The following PLCE1 variants were observed in gnomAD, a reference collection of about 807,000 sequenced individuals.
PLCE1 encodes phospholipase C epsilon 1.
In PLCE1, 119 loss-of-function variants were observed where a neutral mutation model predicts 242.8. That is an observed-to-expected ratio of 0.49 (90% CI 0.42 to 0.57). The LOEUF (loss-of-function observed/expected upper bound fraction) is 0.57, where lower values mean the gene tolerates loss of function less well. Among genes scored for constraint, PLCE1 ranks in the 20% least tolerant of loss-of-function variants. The probability of loss-of-function intolerance (pLI) is 0.00; values close to 1 mark genes in which losing one functional copy is unlikely to be tolerated. For missense variants in PLCE1, 2,441 were observed against 2,788.8 expected, an observed-to-expected ratio of 0.88 and a Z score of 2.81; for synonymous variants, 945 against 1,017.4, an observed-to-expected ratio of 0.93 and a Z score of 1.35.
At chr10:94,019,306 T>A (rs905248520) in intron 1 of PLCE1, among the ~76,000 whole-genome samples, 2 of 152,190 alleles carry the variant, frequency 1.3e-5, no homozygotes, top group Non-Finnish European at 2.9e-5. Context: ...AAGGAGCAAG[T>A]GGGATTGAAA....
intron 18 of PLCE1, among the ~76,000 whole-genome samples, chr10:94,273,013 C>A (rs975257565): frequency 1.4e-4 from 21 of 152,196 alleles, no homozygotes; most frequent in African/African-American, 4.8e-4. Flanking sequence ...CCAGCCTGGG[C>A]AACAATGGAG....
At chr10:94,179,363 C>T (rs2048222638) in intron 4 of PLCE1, among the ~76,000 whole-genome samples, 1 of 152,026 alleles carries the variant, frequency 6.6e-6, no homozygotes, top group Admixed American at 6.6e-5. Flanking sequence ...ACACGTAGGG[C>T]TGAGAAATAA....
At chr10:94,124,900 C>T (rs930106353) in intron 2 of PLCE1, among the ~76,000 whole-genome samples, 4 of 152,090 alleles carry the variant, frequency 2.6e-5, no homozygotes, top group African/African-American at 9.7e-5. Flanking sequence ...CAATTAAATC[C>T]ACATTTGGCT....
intron 3 of PLCE1, among the ~76,000 whole-genome samples, chr10:94,150,791 C>G (rs970064894): frequency 6.6e-6 from 1 of 152,164 alleles, no homozygotes; most frequent in African/African-American, 2.4e-5. Context: ...TCTGAGCACT[C>G]TCCTTTATAT....
Position 94,171,469 on chromosome 10 carries a change from T to G in PLCE1, c.1782T>G (p.Leu594=), listed in dbSNP as rs759404671. The G allele has an allele frequency of 6.2e-7, 1 of 1,614,024 alleles. No individual in the cohort carries two copies. The highest frequency in any genetic ancestry group is 8.5e-7 in the Non-Finnish European group (1 of 1,179,980). The stretch of plus-strand genomic sequence containing the variant: ...CTCAGAATGGAGAGCACAATGCCCT[T>G]GAAGATCTGGTGATGAGGTTTAATG... ...LTTQNGEHNA[L]EDLVMRFNEV... The change falls in exon 4 of 33, where the codon CTT becomes CTG. Residue 594 remains leucine, a synonymous_variant. Transcript: ENST00000371380.
rs1438360400 is a variant in PLCE1 at position 94,262,652 on chromosome 10, G to A, written c.3973G>A (p.Gly1325Ser). The A allele has an allele frequency of 3.1e-6, 5 of 1,613,928 alleles. No homozygotes were observed. Among genetic ancestry groups the A allele is most frequent in the Non-Finnish European group, 4.2e-6 (5 of 1,179,996 alleles). Residue 1325 changes from glycine to serine, a missense_variant, in exon 14 of 33, where the codon GGC becomes AGC. By Grantham distance (56) the Gly-to-Ser change is moderately conservative. Transcript: ENST00000371380. ...ESTSLGIFGV[G>S]ILQLNDFLVN... ...CACATCTCTGGGCATTTTTGGGGTG[G>A]GCATACTTCAGCTCAACGATTTCCT...
intron 27 of PLCE1, among the ~76,000 whole-genome samples, chr10:94,311,838 G>T (rs1418304488): frequency 2.0e-5 from 3 of 152,112 alleles, no homozygotes; most frequent in African/African-American, 7.2e-5. Flanking sequence ...TGCTTTCAGG[G>T]TATAGTTTAT....
chr10:94,159,879 T>G (rs1366960479), intron 3 of PLCE1, among the ~76,000 whole-genome samples: 1 of 152,202 alleles, frequency 6.6e-6, no homozygotes, highest in Non-Finnish European at 1.5e-5. Context: ...TTTGGTTTTC[T>G]GTCCTTGGGA....
intron 7 of PLCE1, among the ~76,000 whole-genome samples, chr10:94,238,448 A>G (rs2050394732): frequency 6.6e-6 from 1 of 152,192 alleles, no homozygotes; most frequent in South Asian, 2.1e-4. Flanking sequence ...CCATGTGTTC[A>G]GTCACAGGGG....
intron 2 of PLCE1, among the ~76,000 whole-genome samples, chr10:94,096,223 A>G (rs2045303653): frequency 6.6e-6 from 1 of 152,202 alleles, no homozygotes; most frequent in Non-Finnish European, 1.5e-5. Context: ...TCCACTTGCT[A>G]ACACACTCAA....
At chr10:94,183,114 G>T (rs1322382012) in intron 4 of PLCE1, among the ~76,000 whole-genome samples, 1 of 152,216 alleles carries the variant, frequency 6.6e-6, no homozygotes, top group East Asian at 1.9e-4. Context: ...GACGGCATTA[G>T]CTGACCCTAT....
chr10:94,004,133 G>A (rs1290711556), intron 1 of PLCE1, among the ~76,000 whole-genome samples: 3 of 151,146 alleles, frequency 2.0e-5, no homozygotes, highest in African/African-American at 2.4e-5. Context: ...GTGACAGAGC[G>A]AGATTCCATC....
intron 19 of PLCE1, among the ~76,000 whole-genome samples, chr10:94,274,747 G>A (rs2051882572): frequency 6.6e-6 from 1 of 152,128 alleles, no homozygotes; most frequent in South Asian, 2.1e-4. Flanking sequence ...GCCACCAGTT[G>A]GAGACCTCCA....
At chr10:94,111,957 A>C (rs1456534774) in intron 2 of PLCE1, among the ~76,000 whole-genome samples, 1 of 152,210 alleles carries the variant, frequency 6.6e-6, no homozygotes, top group Non-Finnish European at 1.5e-5. Context: ...AGGCCTAGAC[A>C]GGAACAGAAT....
chr10:94,067,200 G>GT (rs997908922), intron 2 of PLCE1, among the ~76,000 whole-genome samples: 39 of 152,068 alleles, frequency 2.6e-4, no homozygotes, highest in African/African-American at 8.9e-4. Context: ...TAACATACTG[G>GT]TTAGTGACCC....
chr10:94,107,247 A>G (rs1056803293), intron 2 of PLCE1: 4 of 152,230 alleles, frequency 2.6e-5, no homozygotes, highest in South Asian at 4.1e-4. Context: ...TACAAAGGAA[A>G]GCAAAACTGG....
intron 2 of PLCE1, chr10:94,105,692 A>G (rs1188726182): frequency 6.6e-6 from 1 of 152,212 alleles, no homozygotes. Flanking sequence ...TGTTGAATGA[A>G]TGAAAGGCTC....
At chr10:94,224,250 G>GT (rs1368915532) in intron 4 of PLCE1, among the ~76,000 whole-genome samples, 3 of 152,102 alleles carry the variant, frequency 2.0e-5, no homozygotes, top group Non-Finnish European at 2.9e-5. Context: ...TGGTATCGCT[G>GT]TTTTTTTCCT....
intron 2 of PLCE1, among the ~76,000 whole-genome samples, chr10:94,071,876 A>C (rs1207129763): frequency 6.6e-6 from 1 of 151,506 alleles, no homozygotes; most frequent in East Asian, 1.9e-4. Context: ...CCTCTCTCTT[A>C]GTATTAACTC....
Sources: gnomAD v4.1 joint callset for allele counts (sites outside exome capture counted in the v4.1 genomes callset) on GRCh38, gnomAD v4.1.1 for gene constraint, MANE v1.5 for transcripts, NCBI Gene and HGNC (gene_info 2026-07-23, HGNC 2026-07-21) for gene names.